The following PHTF1 variants were observed in gnomAD, a reference collection of about 807,000 sequenced individuals.
PHTF1 encodes the protein protein PHTF1.
Under a neutral mutation model 102.4 loss-of-function variants are expected in PHTF1, and 88 were observed. The observed-to-expected ratio is 0.86, with a 90% CI of 0.72 to 1.03. The LOEUF (loss-of-function observed/expected upper bound fraction) is 1.03, where lower values mean the gene tolerates loss of function less well. Ranked by LOEUF, PHTF1 falls within the 50% of genes least tolerant of loss-of-function variation. PHTF1 has a pLI of 0.00. For missense variants in PHTF1, 814 were observed against 909.5 expected, an observed-to-expected ratio of 0.89 and a Z score of 1.35; for synonymous variants, 289 against 305.2, an observed-to-expected ratio of 0.95 and a Z score of 0.55.
chr1:113,716,504 C>A (rs1425813945), intron 7 of PHTF1, among the ~76,000 whole-genome samples: 1 of 151,886 alleles, frequency 6.6e-6, no homozygotes, highest in African/African-American at 2.4e-5. Context: ...GTCACCACAT[C>A]CAGCTGATTT....
In PHTF1 at chr1:113,724,843, T is replaced by C. The variant is rs1653579326; in HGVS notation, c.539A>G (p.Asn180Ser). 3 of 1,609,828 alleles carry C rather than the reference T, an allele frequency of 1.9e-6. No homozygotes were observed. The highest frequency in any genetic ancestry group is 2.5e-6 in the Non-Finnish European group (3 of 1,177,650). The change falls in exon 7 of 19, where the codon AAC (asparagine) becomes AGC (serine). Residue 180 changes from asparagine (N) to serine (S), a missense_variant. By Grantham distance (46) the Asn-to-Ser change is conservative. Transcript: ENST00000369604. ...NGDGSRENGN[N>S]SSDKVRGIET... is the part of the protein sequence containing the mutation. Reference sequence around the variant, plus strand: ...TATTCCTCTGACTTTATCAGAGGAGTTATTTCCATTTTCTCGGCTCCCATC... The same window carrying C: ...TATTCCTCTGACTTTATCAGAGGAGCTATTTCCATTTTCTCGGCTCCCATC...
chr1:113,697,627 C>G lies in PHTF1; in HGVS notation c.*78G>C, dbSNP rs374159684. 3.3e-5 allele frequency: 34 copies of G among 1,020,730 alleles called. No individual in the cohort carries two copies. The highest frequency in any genetic ancestry group is 2.8e-4 in the Admixed American group (16 of 56,854). The allele number at this position is 1,020,730 out of a possible 1,614,324, so 63.2% of individuals were successfully genotyped here. A position where few individuals can be genotyped will look rare whatever the true frequency, so the allele number is the denominator to read the frequency against. Reference sequence around the variant, plus strand: ...TGTGAACAAGCAGGTGGGTATCTCACTGGTTTCTGCAGTCATCACTTTCCT... The same window carrying G: ...TGTGAACAAGCAGGTGGGTATCTCAGTGGTTTCTGCAGTCATCACTTTCCT... On this transcript the variant is annotated 3_prime_UTR_variant, in exon 19 of 19. Transcript: ENST00000369604.
At position 113,704,753 on chromosome 1, in the gene PHTF1, C is replaced by G. The variant is rs1649875591; in HGVS notation, c.1716G>C (p.Arg572Ser). 6.3e-7 allele frequency: 1 copy of G among 1,593,708 alleles called. No homozygotes were observed. The highest frequency in any genetic ancestry group is 1.3e-5 in the African/African-American group (1 of 74,448). ...AKLFSHITSA[R>S]KARKYEIPHF... is the part of the protein sequence containing the mutation. ...GAGGTATTTCATATTTCCTAGCTTT[C>G]CTGGCAGAAGTAATATGGCTGAAGA... The change falls in exon 14 of 19, where the codon AGG becomes AGC. Residue 572 changes from arginine (R) to serine (S), a missense_variant. Arg to Ser is a moderately radical substitution (Grantham distance 110, BLOSUM62 -1). Transcript: ENST00000369604.
chr1:113,709,634 T>C (rs374196465), intron 11 of PHTF1, among the ~76,000 whole-genome samples: 1 of 152,206 alleles, frequency 6.6e-6, no homozygotes, highest in Admixed American at 6.5e-5. Context: ...CTAACATTTA[T>C]TGGGTATTTA....
chr1:113,708,077 A>G (rs542706146), intron 11 of PHTF1, among the ~76,000 whole-genome samples: 8 of 152,226 alleles, frequency 5.3e-5, no homozygotes, highest in Non-Finnish European at 1.2e-4. Flanking sequence ...TAGAACAAAT[A>G]AAGGAACAGA....
intron 15 of PHTF1, 48 bp downstream of exon 15, chr1:113,704,033 C>T (rs1649743807): frequency 8.3e-7 from 1 of 1,211,938 alleles, no homozygotes; most frequent in Admixed American, 1.8e-5. Flanking sequence ...AAAGTGAACT[C>T]TATAATAGAA....
At chr1:113,736,418 G>A (rs1428429199) in intron 5 of PHTF1, among the ~76,000 whole-genome samples, 1 of 151,206 alleles carries the variant, frequency 6.6e-6, no homozygotes, top group Non-Finnish European at 1.5e-5. Context: ...ATTTAAAGGT[G>A]AGAAAAAAGC....
chr1:113,713,330 C>T lies in PHTF1; in HGVS notation c.732G>A (p.Met244Ile), dbSNP rs145726957. 1.2e-6 allele frequency: 2 copies of T among 1,613,634 alleles called. No homozygotes were observed. Among genetic ancestry groups the T allele is most frequent in the African/African-American group, 2.7e-5 (2 of 74,932 alleles). The change falls in exon 8 of 19, where the codon ATG (methionine) becomes ATA (isoleucine). Residue 244 changes from methionine (M) to isoleucine (I), a missense_variant. Met to Ile is a conservative substitution (Grantham distance 10). Coordinates refer to ENST00000369604, the MANE Select transcript of PHTF1 (RefSeq NM_001323043.2). ...KRRQCRPEIR[M>I]WQTREKAKFS... ...ATTTTGCTTTCTCTCTTGTTTGCCACATTCTAATCTCTGGTCGACATTGTC... is the reference window on the plus strand; with the variant it reads ...ATTTTGCTTTCTCTCTTGTTTGCCATATTCTAATCTCTGGTCGACATTGTC...
intron 11 of PHTF1, 131 bp from the exon 12 acceptor site, chr1:113,706,853 T>A: frequency 7.1e-4 from 62 of 87,420 alleles, no homozygotes; most frequent in Non-Finnish European, 9.2e-4. Context: ...CTTTCTTTCT[T>A]TTTTTTTTTT....
chr1:113,704,467 T>A (rs550863494), intron 14 of PHTF1, among the ~76,000 whole-genome samples, 199 bp downstream of exon 14: 110 of 152,312 alleles, frequency 7.2e-4, no homozygotes, highest in African/African-American at 2.5e-3. Flanking sequence ...GATTTTCTTT[T>A]CCCTTTCTAA....
intron 7 of PHTF1, among the ~76,000 whole-genome samples, chr1:113,719,002 C>CTT: frequency 6.8e-6 from 1 of 147,310 alleles, no homozygotes; most frequent in Admixed American, 6.8e-5. Context: ...TTCTTTTCTT[C>CTT]TTTTTTTTTT....
At chr1:113,758,597 T>C in intron 2 of PHTF1, 62 bp downstream of exon 2, 1 of 977,744 alleles carries the variant, frequency 1.0e-6, no homozygotes, top group Non-Finnish European at 1.5e-6. Flanking sequence ...CATTATATTA[T>C]TTGTGGGAGC....
intron 13 of PHTF1, chr1:113,705,669 C>T: frequency 2.1e-6 from 1 of 472,296 alleles, no homozygotes; most frequent in East Asian, 3.6e-5. Flanking sequence ...GGCTAAGCCA[C>T]TTATTCTACA....
chr1:113,724,961 TACAGAAAATTATAC>T, intron 6 of PHTF1, 68 bp from the exon 7 acceptor site: 1 of 1,105,822 alleles, frequency 9.0e-7, no homozygotes, highest in East Asian at 2.4e-5. Flanking sequence ...AAAATATCCC[TACAGAAAATTATAC>T]TGACAAATTA....
At position 113,700,878 on chromosome 1, in the gene PHTF1, T is replaced by C; in HGVS notation, c.1962A>G (p.Leu654=). 8 of 1,612,588 alleles carry C rather than the reference T, an allele frequency of 5.0e-6. No individual in the cohort carries two copies. Among genetic ancestry groups the C allele is most frequent in the Non-Finnish European group, 6.8e-6 (8 of 1,179,480 alleles). The part of the protein sequence containing the change: ...NWEFLIWETA[L]LLFLLRLASL... ...AGGCCAGACGCAATAAAAAAAGTAG[T>C]AAAGCTGTTTCCCAGATCAAAAACT... is the stretch of plus-strand genomic sequence containing the variant. Residue 654 remains leucine, a synonymous_variant, in exon 16 of 19, where the codon TTA becomes TTG. Coordinates refer to ENST00000369604, the MANE Select transcript of PHTF1 (RefSeq NM_001323043.2).
chr1:113,730,736 G>A (rs753084007), intron 5 of PHTF1, among the ~76,000 whole-genome samples: 2 of 152,108 alleles, frequency 1.3e-5, no homozygotes, highest in Non-Finnish European at 2.9e-5. Flanking sequence ...CAGCAACAAA[G>A]ACAAAATATT....
intron 7 of PHTF1, among the ~76,000 whole-genome samples, chr1:113,723,177 ATTTT>A (rs1186819562): frequency 2.2e-5 from 3 of 135,754 alleles, no homozygotes; most frequent in Non-Finnish European, 1.6e-5. Flanking sequence ...CAGTGAACTC[ATTTT>A]TTTTTTTTTT....
At chr1:113,715,647 TC>T (rs1651869826) in intron 7 of PHTF1, among the ~76,000 whole-genome samples, 1 of 8,102 alleles carries the variant, frequency 1.2e-4, no homozygotes, top group African/African-American at 2.9e-4. Context: ...AAACCCTGTC[TC>T]AAAAAAAAAA....
intron 10 of PHTF1, among the ~76,000 whole-genome samples, chr1:113,710,899 AC>A (rs1557915321): frequency 6.7e-6 from 1 of 150,364 alleles, no homozygotes; most frequent in East Asian, 1.9e-4. Context: ...AACAACCTCA[AC>A]CTCTCAAAGT....
Sources: gnomAD v4.1 joint callset for allele counts (sites outside exome capture counted in the v4.1 genomes callset) on GRCh38, gnomAD v4.1.1 for gene constraint, MANE v1.5 for transcripts, NCBI Gene and HGNC (gene_info 2026-07-23, HGNC 2026-07-21) for gene names.